Variants in DTWD2 observed in about 807,000 individuals in gnomAD.
The protein encoded by DTWD2 is tRNA-uridine aminocarboxypropyltransferase 2.
In DTWD2, 39 loss-of-function variants were observed where a neutral mutation model predicts 31.8. The observed-to-expected ratio is 1.22, with a 90% CI of 0.95 to 1.60. The LOEUF is 1.60. Ranked by LOEUF, DTWD2 falls within the 40% of genes most tolerant of loss-of-function variation. The pLI is 0.00. For synonymous variants in DTWD2, 180 were observed against 142.8 expected (o/e 1.26, Z -1.86); for missense variants, 515 against 381.5 (o/e 1.35, Z -2.92).
At chr5:118,894,145 T>G (rs1395342562) in intron 4 of DTWD2, among the ~76,000 whole-genome samples, 2 of 152,148 alleles carry the variant, frequency 1.3e-5, no homozygotes, top group East Asian at 3.8e-4. Flanking sequence ...ATCTATGACT[T>G]AAACTCTGGC....
intron 4 of DTWD2, 86 bp downstream of exon 4, chr5:118,928,451 A>G (rs534803029): frequency 1.1e-6 from 1 of 934,310 alleles, no homozygotes; most frequent in South Asian, 5.0e-5. Flanking sequence ...ATATATAAAA[A>G]TCTATGTGTA....
At chr5:118,884,510 T>C (rs977252412) in intron 4 of DTWD2, among the ~76,000 whole-genome samples, 3 of 152,204 alleles carry the variant, frequency 2.0e-5, no homozygotes, top group African/African-American at 7.2e-5. Flanking sequence ...ATCAAATACA[T>C]ATTTAAATTT....
At chr5:118,884,580 T>A (rs1752813454) in intron 4 of DTWD2, among the ~76,000 whole-genome samples, 2 of 152,238 alleles carry the variant, frequency 1.3e-5, no homozygotes, top group Admixed American at 1.3e-4. Flanking sequence ...CTGAAAATAT[T>A]TCACACTTTA....
chr5:118,947,826 G>A (rs1472927047), intron 1 of DTWD2, among the ~76,000 whole-genome samples: 2 of 151,996 alleles, frequency 1.3e-5, no homozygotes, highest in Non-Finnish European at 2.9e-5. Context: ...ACAGATAAAA[G>A]TCCTAACTTT....
chr5:118,954,656 G>A (rs1449806410), intron 1 of DTWD2, among the ~76,000 whole-genome samples: 1 of 152,082 alleles, frequency 6.6e-6, no homozygotes, highest in Non-Finnish European at 1.5e-5. Flanking sequence ...GAGGTTACAG[G>A]TGTGCACCAC....
intron 4 of DTWD2, among the ~76,000 whole-genome samples, chr5:118,862,712 A>C (rs1339565245): frequency 6.6e-6 from 1 of 152,076 alleles, no homozygotes; most frequent in Non-Finnish European, 1.5e-5. Context: ...CAGAACCCCC[A>C]ATTTGTTCAG....
Position 118,944,664 on chromosome 5 carries a change from GA to G in DTWD2, c.219-16del, listed in dbSNP as rs775651329. ...TCTGAGGCCGGCTAAAGGGTAAAAAGAAAAATAAAACTGGTAAATTTTAAAA... is the reference window on the plus strand; with the variant it reads ...TCTGAGGCCGGCTAAAGGGTAAAAAGAAAATAAAACTGGTAAATTTTAAAA... On this transcript the variant is annotated splice_polypyrimidine_tract_variant and intron_variant, in intron 1 of 5. Coordinates refer to ENST00000510708, the MANE Select transcript of DTWD2 (RefSeq NM_173666.4). 6.2e-7 allele frequency: 1 copy of G among 1,607,676 alleles called. No individual in the cohort carries two copies. Among genetic ancestry groups the G allele is most frequent in the African/African-American group, 1.3e-5 (1 of 74,586 alleles).
chr5:118,925,100 A>T (rs1346487134), intron 4 of DTWD2, among the ~76,000 whole-genome samples: 3 of 152,228 alleles, frequency 2.0e-5, no homozygotes, highest in Admixed American at 1.3e-4. Context: ...TTAAAACCTC[A>T]GAAGTCAGGG....
intron 4 of DTWD2, among the ~76,000 whole-genome samples, chr5:118,883,030 T>C (rs997415734): frequency 1.3e-5 from 2 of 152,252 alleles, no homozygotes; most frequent in Admixed American, 6.5e-5. Flanking sequence ...CTTTTAAACA[T>C]AAGTTAACAA....
chr5:118,967,748 T>G (rs960672556), intron 1 of DTWD2, among the ~76,000 whole-genome samples: 1 of 152,080 alleles, frequency 6.6e-6, no homozygotes, highest in East Asian at 1.9e-4. Context: ...TATAGAAACA[T>G]TCCAATCAAT....
chr5:118,841,138 T>C, intron 5 of DTWD2, 51 bp from the exon 6 acceptor site: 1 of 1,548,266 alleles, frequency 6.5e-7, no homozygotes, highest in East Asian at 2.4e-5. Flanking sequence ...AATCATGATA[T>C]TCTATCTATA....
chr5:118,885,250 G>A (rs1425771490), intron 4 of DTWD2, among the ~76,000 whole-genome samples: 1 of 150,222 alleles, frequency 6.7e-6, no homozygotes, highest in African/African-American at 2.5e-5. Flanking sequence ...TCAAGAGATC[G>A]AGACCATCCT....
intron 4 of DTWD2, among the ~76,000 whole-genome samples, chr5:118,887,068 A>G (rs905286384): frequency 1.6e-4 from 25 of 152,354 alleles, no homozygotes; most frequent in African/African-American, 5.8e-4. Context: ...TGAAATTGCT[A>G]TTACTAGCAA....
At chr5:118,855,807 T>C (rs1163307654) in intron 4 of DTWD2, among the ~76,000 whole-genome samples, 3 of 152,162 alleles carry the variant, frequency 2.0e-5, no homozygotes, top group Non-Finnish European at 1.5e-5. Context: ...TAGAAATGCA[T>C]AATATAAAAA....
At chr5:118,850,798 A>G (rs1456506772) in intron 4 of DTWD2, among the ~76,000 whole-genome samples, 2 of 152,318 alleles carry the variant, frequency 1.3e-5, no homozygotes, top group Non-Finnish European at 2.9e-5. Context: ...AGAATCTACA[A>G]GAAGCTTAAA....
intron 4 of DTWD2, among the ~76,000 whole-genome samples, chr5:118,913,507 T>C (rs557604488): frequency 6.7e-6 from 1 of 149,136 alleles, no homozygotes; most frequent in Non-Finnish European, 1.5e-5. Flanking sequence ...GTCTATAGAG[T>C]TTTAAAATTA....
intron 2 of DTWD2, 52 bp downstream of exon 2, chr5:118,944,507 C>A (rs1439534226): frequency 1.3e-6 from 2 of 1,537,156 alleles, no homozygotes; most frequent in African/African-American, 2.7e-5. Context: ...CTTCGTGTTT[C>A]CTCTTGTGGA....
intron 1 of DTWD2, among the ~76,000 whole-genome samples, chr5:118,968,605 G>A (rs978073151): frequency 7.9e-5 from 12 of 152,176 alleles, no homozygotes; most frequent in African/African-American, 2.9e-4. Flanking sequence ...TTTTCCCATA[G>A]ATCTTTGCAA....
At chr5:118,918,982 A>G (rs894918344) in intron 4 of DTWD2, among the ~76,000 whole-genome samples, 13 of 152,232 alleles carry the variant, frequency 8.5e-5, no homozygotes, top group South Asian at 2.1e-4. Flanking sequence ...GTCACTTGCC[A>G]AAGTCTCACT....
Sources: gnomAD v4.1 joint callset for allele counts (sites outside exome capture counted in the v4.1 genomes callset) on GRCh38, gnomAD v4.1.1 for gene constraint, MANE v1.5 for transcripts, NCBI Gene and HGNC (gene_info 2026-07-23, HGNC 2026-07-21) for gene names.